The following ST3GAL6 variants were observed in gnomAD, a reference collection of about 807,000 sequenced individuals.
The protein encoded by ST3GAL6 is ST3 beta-galactoside alpha-2,3-sialyltransferase 6.
ST3GAL6 carries 31 observed loss-of-function variants against 40.5 expected under a neutral mutation model. The ratio of observed to expected loss-of-function variants is 0.77; its 90% confidence interval spans 0.58 to 1.03. The LOEUF (loss-of-function observed/expected upper bound fraction) is 1.03, where lower values mean the gene tolerates loss of function less well. Ranked by LOEUF, ST3GAL6 falls within the 50% of genes least tolerant of loss-of-function variation. The pLI, the probability that ST3GAL6 is intolerant of heterozygous loss-of-function variation, is 0.00. For missense variants in ST3GAL6, 357 were observed against 393.2 expected, an observed-to-expected ratio of 0.91 and a Z score of 0.78; for synonymous variants, 129 against 136.9, an observed-to-expected ratio of 0.94 and a Z score of 0.40.
chr3:98,763,339 C>T, upstream of ST3GAL6: 2 of 1,289,732 alleles, frequency 1.6e-6, no homozygotes, highest in Non-Finnish European at 2.0e-6. Context: ...GAGTGTATGT[C>T]AGTGTGAGCT....
chr3:98,758,212 G>GA (rs1354361469), intron 1 of ST3GAL6, among the ~76,000 whole-genome samples: 1 of 152,116 alleles, frequency 6.6e-6, no homozygotes, highest in African/African-American at 2.4e-5. Flanking sequence ...CCTAGGGTGA[G>GA]AAAAATTCCA....
rs1941230926 is a variant in ST3GAL6, at chr3:98,791,843, A to G, written c.759A>G (p.Lys253=). 3 of 1,598,548 alleles carry G rather than the reference A, an allele frequency of 1.9e-6. No homozygotes were observed. Among genetic ancestry groups the G allele is most frequent in the Non-Finnish European group, 2.6e-6 (3 of 1,171,788 alleles). Residue 253 remains lysine, a splice_region_variant and synonymous_variant, in exon 9 of 10, where the codon AAA becomes AAG. Coordinates refer to ENST00000483910, the MANE Select transcript of ST3GAL6 (RefSeq NM_001323368.2). The part of the protein sequence containing the change: ...HFPKVFPKNQ[K]PKHPTTGIIA... ...GTTTTTTTCATCCCCTCCCCCAGAA[A>G]CCTAAACACCCAACAACAGGAATTA...
chr3:98,732,926 G>A (rs1935157915), intron 1 of ST3GAL6: 2 of 1,508,314 alleles, frequency 1.3e-6, no homozygotes, highest in East Asian at 2.7e-5. Context: ...AGGTCTCGGA[G>A]CCCGGTGCGC....
In ST3GAL6 at chr3:98,770,857, T is replaced by A. The variant is rs369878686; in HGVS notation, c.90-22T>A. Reference sequence around the variant, plus strand: ...AGGGTGCCCGATTCTGGTTTCTGACTGACATTATTTTTGTCTCATAGGGTG... The same window carrying A: ...AGGGTGCCCGATTCTGGTTTCTGACAGACATTATTTTTGTCTCATAGGGTG... On this transcript the variant is annotated intron_variant, in intron 2 of 9. Coordinates refer to ENST00000483910, the MANE Select transcript of ST3GAL6 (RefSeq NM_001323368.2). The A allele has an allele frequency of 5.6e-6, 9 of 1,611,614 alleles. No individual in the cohort carries two copies. The African/African-American group carries it at 1.2e-4, about 22-fold the overall frequency.
chr3:98,794,220 A>G lies in ST3GAL6; in HGVS notation c.*459A>G. The G allele has an allele frequency of 6.6e-6, 1 of 152,416 alleles. No individual in the cohort carries two copies. The highest frequency in any genetic ancestry group is 1.5e-5 in the Non-Finnish European group (1 of 68,196). The allele number at this position is 152,416 out of a possible 1,614,324, so 9.4% of individuals were successfully genotyped here. A position where few individuals can be genotyped will look rare whatever the true frequency, so the allele number is the denominator to read the frequency against. On this transcript the variant is annotated 3_prime_UTR_variant, in exon 10 of 10. Coordinates refer to ENST00000483910, the MANE Select transcript of ST3GAL6 (RefSeq NM_001323368.2). ...CACTTGGCTCTGGAAATCTAAGTTC[A>G]TACTGGTTTAATTAAGCTCTCTCCT...
At chr3:98,792,996 C>T (rs1341907005) in intron 9 of ST3GAL6, among the ~76,000 whole-genome samples, 2 of 152,000 alleles carry the variant, frequency 1.3e-5, no homozygotes, top group Non-Finnish European at 2.9e-5. Flanking sequence ...CTTGAATCAC[C>T]CCACTATATA....
intron 2 of ST3GAL6, among the ~76,000 whole-genome samples, chr3:98,769,549 C>A (rs533195733): frequency 6.6e-6 from 1 of 152,252 alleles, no homozygotes; most frequent in East Asian, 1.9e-4. Context: ...TTGCTACTTT[C>A]CTACAAATCC....
In ST3GAL6 at chr3:98,794,367, A is replaced by C. The variant is rs1379447386; in HGVS notation, c.*606A>C. The C allele has an allele frequency of 6.6e-6, 1 of 152,218 alleles. No homozygotes were observed. The highest frequency in any genetic ancestry group is 1.5e-5 in the Non-Finnish European group (1 of 68,032). The allele number at this position is 152,218 out of a possible 1,614,324, so 9.4% of individuals were successfully genotyped here. A position where few individuals can be genotyped will look rare whatever the true frequency, so the allele number is the denominator to read the frequency against. On this transcript the variant is annotated 3_prime_UTR_variant, in exon 10 of 10. Coordinates refer to ENST00000483910, the MANE Select transcript of ST3GAL6 (RefSeq NM_001323368.2). ...TAAAGTTCTTATTAGATAAGTAAATAACTAAAGAAAGAATACAATTACTAA... is the reference window on the plus strand; with the variant it reads ...TAAAGTTCTTATTAGATAAGTAAATCACTAAAGAAAGAATACAATTACTAA...
chr3:98,783,987 C>T (rs1429348646), intron 5 of ST3GAL6, among the ~76,000 whole-genome samples: 1 of 152,184 alleles, frequency 6.6e-6, no homozygotes, highest in Non-Finnish European at 1.5e-5. Context: ...CTCACATTCT[C>T]CATGTTTCTG....
At chr3:98,732,832 G>C in intron 1 of ST3GAL6, 1 of 1,501,370 alleles carries the variant, frequency 6.7e-7, no homozygotes, top group East Asian at 2.6e-5. Context: ...ACCTTCCTTT[G>C]GTTTCTGCCG....
At chr3:98,791,055 C>T (rs1463545359) in intron 8 of ST3GAL6, among the ~76,000 whole-genome samples, 1 of 152,016 alleles carries the variant, frequency 6.6e-6, no homozygotes, top group Non-Finnish European at 1.5e-5. Flanking sequence ...ATAAGAAACA[C>T]TTTATTGAAA....
chr3:98,771,892 C>G (rs1271929323), intron 3 of ST3GAL6, among the ~76,000 whole-genome samples: 1 of 149,062 alleles, frequency 6.7e-6, no homozygotes. Context: ...CTAGTGCAAA[C>G]ACATATTTAT....
chr3:98,749,592 A>G (rs1036273296), intron 1 of ST3GAL6, among the ~76,000 whole-genome samples: 2 of 152,252 alleles, frequency 1.3e-5, no homozygotes, highest in Non-Finnish European at 2.9e-5. Flanking sequence ...ATAAATTGGC[A>G]TAATAAGTAT....
chr3:98,760,675 A>T (rs1937658889), upstream of ST3GAL6, among the ~76,000 whole-genome samples: 1 of 152,260 alleles, frequency 6.6e-6, no homozygotes, highest in Non-Finnish European at 1.5e-5. Flanking sequence ...ACCACAATGC[A>T]ATATAAAGTT....
chr3:98,754,061 ATTAT>A (rs1012264499), intron 1 of ST3GAL6, among the ~76,000 whole-genome samples: 94 of 152,336 alleles, frequency 6.2e-4, no homozygotes, highest in Admixed American at 4.4e-3. Flanking sequence ...TTCAAGTCTT[ATTAT>A]TTAAGAAATA....
At position 98,747,287 on chromosome 3, in the gene ST3GAL6, C is replaced by T. The variant is rs185531042; in HGVS notation, c.-12+14755C>T. ...CTTCAATATGTTTTGTTTTCAACAG[C>T]GTTATTATAGATTCACATAAACTGG... is the stretch of plus-strand genomic sequence containing the variant. On this transcript the variant is annotated intron_variant, in intron 1 of 9. Transcript: ENST00000265261. Among the ~76,000 whole-genome samples the T allele has an allele frequency of 5.3e-5, 8 of 152,212 alleles. No individual in the cohort carries two copies. In the East Asian group the frequency reaches 5.8e-4, roughly 11 times the overall value.
intron 1 of ST3GAL6, among the ~76,000 whole-genome samples, chr3:98,752,546 A>G (rs1937087011): frequency 6.6e-6 from 1 of 151,988 alleles, no homozygotes; most frequent in African/African-American, 2.4e-5. Context: ...ATCTTGGCTC[A>G]CTGCAACCTC....
chr3:98,790,597 A>G (rs1941113850), intron 8 of ST3GAL6, among the ~76,000 whole-genome samples: 2 of 152,158 alleles, frequency 1.3e-5, no homozygotes, highest in Admixed American at 6.5e-5. Context: ...CCTGTTTGAG[A>G]GTTGGGTCAT....
At chr3:98,769,464 A>G (rs1357328845) in intron 2 of ST3GAL6, among the ~76,000 whole-genome samples, 1 of 152,226 alleles carries the variant, frequency 6.6e-6, no homozygotes, top group Admixed American at 6.5e-5. Context: ...CTATCCCTAC[A>G]TCTTTGCCAC....
Sources: allele counts gnomAD v4.1 joint callset (sites outside exome capture counted in the v4.1 genomes callset), GRCh38; gene constraint gnomAD v4.1.1; transcripts MANE v1.5; gene names NCBI Gene and HGNC (gene_info 2026-07-23, HGNC 2026-07-21).